Variants in FBXO16 observed in about 807,000 individuals in gnomAD.
The protein encoded by FBXO16 is F-box protein 16, also known as F-box only protein 16.
A neutral mutation model predicts 41.0 loss-of-function variants in FBXO16; 31 were observed. The observed-to-expected ratio is 0.76, with a 90% CI of 0.57 to 1.02. The LOEUF (loss-of-function observed/expected upper bound fraction) is 1.02, where lower values mean the gene tolerates loss of function less well. Among genes scored for constraint, FBXO16 ranks in the 50% least tolerant of loss-of-function variants. The pLI, the probability that FBXO16 is intolerant of heterozygous loss-of-function variation, is 0.00. For synonymous variants in FBXO16, 133 were observed against 117.8 expected (o/e 1.13, Z -0.84); for missense variants, 361 against 346.2 (o/e 1.04, Z -0.34).
intron 4 of FBXO16, among the ~76,000 whole-genome samples, chr8:28,463,190 ATGTTTGTGTATG>A (rs931059331): frequency 6.8e-6 from 1 of 146,310 alleles, no homozygotes; most frequent in African/African-American, 2.6e-5. Context: ...ATATGTGTGT[ATGTTTGTGTATG>A]TGTTTGTGTG....
chr8:28,476,028 G>A (rs1803417766), intron 2 of FBXO16, among the ~76,000 whole-genome samples: 1 of 152,162 alleles, frequency 6.6e-6, no homozygotes, highest in Non-Finnish European at 1.5e-5. Context: ...CTGACTTCCA[G>A]CCTTACATTC....
At chr8:28,464,513 A>G (rs1241225497) in intron 3 of FBXO16, among the ~76,000 whole-genome samples, 1 of 152,110 alleles carries the variant, frequency 6.6e-6, no homozygotes, top group Non-Finnish European at 1.5e-5. Flanking sequence ...GAACAACACT[A>G]CCAGCTTAGT....
rs1469002750 is a variant in FBXO16, at chr8:28,447,182, C to T, written c.832G>A (p.Ala278Thr). Reference protein sequence around the residue: ...KLQDRTRLRKAQSMMSRRNPF... With the variant: ...KLQDRTRLRKTQSMMSRRNPF... ...TAAACAATACTTACCATTGATTGTG[C>T]TTTTCTTAGCCTAGTTCTGTCCTGC... Residue 278 changes from alanine (A) to threonine (T), a missense_variant, in exon 7 of 9, where the codon GCA (alanine) becomes ACA (threonine). Physicochemically the swap from Ala to Thr is moderately conservative, Grantham distance 58. Transcript: ENST00000380254. The T allele has an allele frequency of 1.2e-6, 2 of 1,612,956 alleles. No individual in the cohort carries two copies. Among genetic ancestry groups the T allele is most frequent in the African/African-American group, 1.3e-5 (1 of 74,852 alleles).
At chr8:28,465,213 T>C (rs1331473072) in intron 3 of FBXO16, 1 of 164,152 alleles carries the variant, frequency 6.1e-6, no homozygotes, top group Non-Finnish European at 1.3e-5. Flanking sequence ...AAAGATCTAA[T>C]TGGCTTTTAT....
intron 7 of FBXO16, among the ~76,000 whole-genome samples, chr8:28,436,369 G>A (rs549901724): frequency 1.1e-4 from 16 of 152,254 alleles, no homozygotes; most frequent in African/African-American, 3.6e-4. Flanking sequence ...TTTACTCCCC[G>A]CTTATGCTTC....
intron 3 of FBXO16, among the ~76,000 whole-genome samples, chr8:28,467,089 C>T (rs775350028): frequency 3.9e-5 from 6 of 152,138 alleles, no homozygotes; most frequent in Non-Finnish European, 7.3e-5. Flanking sequence ...TGTGCTACCA[C>T]ATCTGGCCTG....
chr8:28,482,906 G>T (rs776724149), intron 2 of FBXO16, among the ~76,000 whole-genome samples: 2 of 152,092 alleles, frequency 1.3e-5, no homozygotes, highest in East Asian at 1.9e-4. Flanking sequence ...AAGAGAACCT[G>T]AGTAATGTGA....
intron 5 of FBXO16, among the ~76,000 whole-genome samples, chr8:28,456,128 A>G (rs1803034421): frequency 6.6e-6 from 1 of 152,212 alleles, no homozygotes; most frequent in South Asian, 2.1e-4. Flanking sequence ...AAATTTTCCC[A>G]TAAATTATCT....
chr8:28,435,429 C>T (rs1388870971), intron 7 of FBXO16, among the ~76,000 whole-genome samples: 1 of 152,134 alleles, frequency 6.6e-6, no homozygotes, highest in Non-Finnish European at 1.5e-5. Context: ...CCACCTCGGC[C>T]TCCCAAAGTG....
At chr8:28,446,597 C>T (rs1023552334) in intron 7 of FBXO16, among the ~76,000 whole-genome samples, 6 of 151,722 alleles carry the variant, frequency 4.0e-5, no homozygotes, top group African/African-American at 1.2e-4. Flanking sequence ...CTTGGCCAGG[C>T]GCGGTGGCTC....
chr8:28,455,435 C>T (rs1178018583), intron 5 of FBXO16, among the ~76,000 whole-genome samples: 1 of 152,106 alleles, frequency 6.6e-6, no homozygotes, highest in Non-Finnish European at 1.5e-5. Context: ...CAGGGTCTTC[C>T]TATGTTATAC....
intron 3 of FBXO16, among the ~76,000 whole-genome samples, chr8:28,469,030 C>T (rs1003621013): frequency 1.3e-5 from 2 of 151,786 alleles, no homozygotes; most frequent in Middle Eastern, 3.4e-3. Flanking sequence ...TTATTAGGGC[C>T]GGGCATGGTG....
intron 3 of FBXO16, chr8:28,465,374 G>C (rs947463484): frequency 8.9e-6 from 4 of 451,168 alleles, no homozygotes; most frequent in African/African-American, 8.1e-5. Flanking sequence ...TGTAATCTCA[G>C]CACTTTGGGA....
rs578085071 is a variant in FBXO16 at position 28,482,349 on chromosome 8, G to A, written c.99+999C>T. On this transcript the variant is annotated intron_variant, in intron 2 of 8. Transcript: ENST00000380254. Reference sequence around the variant, plus strand: ...GGATGAGGTCAGTTTTATATATGGTGATTGTGTTTTCCTGAAAAATAGGTG... The same window carrying A: ...GGATGAGGTCAGTTTTATATATGGTAATTGTGTTTTCCTGAAAAATAGGTG... 4.6e-5 allele frequency among the ~76,000 whole-genome samples: 7 copies of A among 152,240 alleles called. No individual in the cohort carries two copies. The South Asian group carries it at 1.5e-3, about 32-fold the overall frequency.
chr8:28,453,443 C>A (rs1229435467), intron 5 of FBXO16, among the ~76,000 whole-genome samples: 1 of 151,926 alleles, frequency 6.6e-6, no homozygotes, highest in African/African-American at 2.4e-5. Context: ...ATTATCAAAA[C>A]CTCAACCACT....
intron 3 of FBXO16, among the ~76,000 whole-genome samples, chr8:28,464,060 A>G (rs1337187930): frequency 1.3e-5 from 2 of 152,240 alleles, no homozygotes; most frequent in Non-Finnish European, 2.9e-5. Flanking sequence ...TTGCAGTCAC[A>G]TGTGAACAAT....
intron 3 of FBXO16, among the ~76,000 whole-genome samples, chr8:28,468,547 G>C (rs944716878): frequency 3.3e-5 from 5 of 152,156 alleles, no homozygotes; most frequent in African/African-American, 1.2e-4. Flanking sequence ...GTTTCAAACA[G>C]GGCTGGGCGA....
chr8:28,486,413 A>G (rs1006511567), intron 1 of FBXO16, among the ~76,000 whole-genome samples: 1 of 151,892 alleles, frequency 6.6e-6, no homozygotes, highest in South Asian at 2.1e-4. Context: ...TAGTAGAGAC[A>G]GGGTTTCACC....
intron 6 of FBXO16, among the ~76,000 whole-genome samples, chr8:28,451,321 C>T (rs140500183): frequency 1.3e-5 from 2 of 151,560 alleles, no homozygotes; most frequent in African/African-American, 2.4e-5. Flanking sequence ...GTGTGTTTGT[C>T]AAAGAACCAA....
Sources: gnomAD v4.1 joint callset for allele counts (sites outside exome capture counted in the v4.1 genomes callset) on GRCh38, gnomAD v4.1.1 for gene constraint, MANE v1.5 for transcripts, NCBI Gene and HGNC (gene_info 2026-07-23, HGNC 2026-07-21) for gene names.